The following LYST variants were observed in gnomAD, a reference collection of about 807,000 sequenced individuals.
LYST encodes the protein lysosomal-trafficking regulator.
LYST carries 192 observed loss-of-function variants against 413.6 expected under a neutral mutation model. The ratio of observed to expected loss-of-function variants is 0.46; its 90% CI spans 0.41 to 0.52. The LOEUF (loss-of-function observed/expected upper bound fraction) is 0.52. Among genes scored for constraint, LYST ranks in the 20% least tolerant of loss-of-function variants. LYST has a pLI of 0.00. For synonymous variants in LYST, 1,525 were observed against 1,567.3 expected, an observed-to-expected ratio of 0.97 and a Z score of 0.64; for missense variants, 3,815 against 4,499.9, an observed-to-expected ratio of 0.85 and a Z score of 4.35.
chr1:235,755,961 G>C (rs1358884768), intron 24 of LYST, among the ~76,000 whole-genome samples: 4 of 152,046 alleles, frequency 2.6e-5, no homozygotes, highest in African/African-American at 9.7e-5. Flanking sequence ...ACCTAATGCT[G>C]AGAGGGAAAA....
rs1199001213 is a variant in LYST, at chr1:235,700,565, A to AAG, written c.10374+2181_10374+2182insCT. ...TGGGTCATCCAGATGACCCCCTTATAAATGAGTACTGTTGCTTGGTTTCAA... is the reference window on the plus strand; with the variant it reads ...TGGGTCATCCAGATGACCCCCTTATAAGAATGAGTACTGTTGCTTGGTTTCAA... On this transcript the variant is annotated intron_variant, in intron 45 of 52. Coordinates refer to ENST00000389793, the MANE Select transcript of LYST (RefSeq NM_000081.4). 7.2e-5 allele frequency among the ~76,000 whole-genome samples: 11 copies of AAG among 152,314 alleles called. No homozygotes were observed. The South Asian group carries it at 1.5e-3, about 20-fold the overall frequency.
At chr1:235,742,466 A>T (rs1210250194) in intron 30 of LYST, among the ~76,000 whole-genome samples, 3 of 151,838 alleles carry the variant, frequency 2.0e-5, no homozygotes, top group African/African-American at 7.3e-5. Flanking sequence ...GAAAAAAAAA[A>T]AAAGTTCCTA....
At chr1:235,700,173 C>T (rs539267059) in intron 45 of LYST, among the ~76,000 whole-genome samples, 14 of 152,218 alleles carry the variant, frequency 9.2e-5, no homozygotes, top group East Asian at 3.9e-4. Context: ...GACATAGGCA[C>T]GGGCAAAGAT....
intron 7 of LYST, among the ~76,000 whole-genome samples, chr1:235,803,467 T>C (rs1036641735): frequency 1.3e-5 from 2 of 152,174 alleles, no homozygotes; most frequent in Non-Finnish European, 2.9e-5. Context: ...TTTTTATAAA[T>C]GCCTTATAAG....
At chr1:235,824,595 T>C (rs941876836) in intron 3 of LYST, among the ~76,000 whole-genome samples, 3 of 152,184 alleles carry the variant, frequency 2.0e-5, no homozygotes, top group Non-Finnish European at 4.4e-5. Flanking sequence ...ATATTCAACT[T>C]TGTCATCTTT....
At chr1:235,756,497 C>G (rs1667062856) in intron 24 of LYST, among the ~76,000 whole-genome samples, 1 of 152,010 alleles carries the variant, frequency 6.6e-6, no homozygotes, top group African/African-American at 2.4e-5. Flanking sequence ...GCAACTAGCT[C>G]AGGGACTTAC....
At chr1:235,781,840 G>GA (rs139179993) in intron 15 of LYST, 87 bp downstream of exon 15, 55 of 890,804 alleles carry the variant, frequency 6.2e-5, no homozygotes, top group Non-Finnish European at 8.2e-5. Flanking sequence ...TGTTAACTGA[G>GA]AAAAAAAACT....
At chr1:235,665,303 TGA>T (rs1025038868) in intron 50 of LYST, among the ~76,000 whole-genome samples, 7 of 152,094 alleles carry the variant, frequency 4.6e-5, no homozygotes, top group African/African-American at 1.7e-4. Flanking sequence ...AAATATTCTG[TGA>T]AACCATCTAT....
chr1:235,874,071 G>A (rs947574723), intron 1 of LYST, among the ~76,000 whole-genome samples: 1 of 152,180 alleles, frequency 6.6e-6, no homozygotes, highest in African/African-American at 2.4e-5. Flanking sequence ...GTCAAGGTAA[G>A]GAACAGGTAA....
intron 2 of LYST, among the ~76,000 whole-genome samples, chr1:235,831,498 CAGA>C (rs1675976332): frequency 6.6e-6 from 1 of 152,078 alleles, no homozygotes; most frequent in African/African-American, 2.4e-5. Context: ...AGCTGAGGGT[CAGA>C]AGAAGCCAAC....
intron 14 of LYST, among the ~76,000 whole-genome samples, chr1:235,784,171 T>C (rs984356625): frequency 6.6e-6 from 1 of 152,174 alleles, no homozygotes; most frequent in East Asian, 1.9e-4. Flanking sequence ...TGAAGCACCA[T>C]GCCTGGCCTA....
At chr1:235,881,174 G>T (rs1017141930) in intron 1 of LYST, among the ~76,000 whole-genome samples, 1 of 152,248 alleles carries the variant, frequency 6.6e-6, no homozygotes, top group South Asian at 2.1e-4. Flanking sequence ...TATCTTAAAA[G>T]AATTTTCTCC....
At chr1:235,734,695 A>G (rs779166920) in intron 31 of LYST, 36 bp from the exon 32 acceptor site, 1 of 1,410,440 alleles carries the variant, frequency 7.1e-7, no homozygotes, top group Admixed American at 1.7e-5. Context: ...GTCATTTAGA[A>G]TTTTAATTCT....
chr1:235,761,775 C>CAA (rs201502944), intron 22 of LYST, among the ~76,000 whole-genome samples: 175 of 145,470 alleles, frequency 1.2e-3, no homozygotes, highest in African/African-American at 4.4e-3. Flanking sequence ...AAAAAAAAAA[C>CAA]AAAAAAAAAC....
In LYST at chr1:235,729,538, T is replaced by C. The variant is rs77550273; in HGVS notation, c.9106+58A>G. On this transcript the variant is annotated intron_variant, in intron 37 of 52. Coordinates refer to ENST00000389793, the MANE Select transcript of LYST (RefSeq NM_000081.4). ...TGCTGTCAAAAAACACTTTAAATAA[T>C]CTAAGAATCAAATAAGGCAGGGTGA... 9,902 of 1,123,854 alleles carry C rather than the reference T, an allele frequency of 8.8e-3. 562 individuals are homozygous for C. In the African/African-American group the frequency reaches 0.13, roughly 15 times the overall value. 69.6% of individuals were successfully genotyped at this position (1,123,854 alleles called of 1,614,324 possible).
intron 1 of LYST, among the ~76,000 whole-genome samples, chr1:235,849,689 G>A (rs962392251): frequency 6.8e-6 from 1 of 147,578 alleles, no homozygotes; most frequent in African/African-American, 2.5e-5. Flanking sequence ...CAAGATTAAT[G>A]TACACGAATC....
chr1:235,665,231 C>T (rs1276555232), intron 50 of LYST, among the ~76,000 whole-genome samples: 1 of 152,058 alleles, frequency 6.6e-6, no homozygotes, highest in Non-Finnish European at 1.5e-5. Flanking sequence ...GCATATGAAC[C>T]ACCAAATATG....
At chr1:235,786,055 A>G (rs1039947205) in intron 14 of LYST, among the ~76,000 whole-genome samples, 6 of 152,214 alleles carry the variant, frequency 3.9e-5, no homozygotes, top group African/African-American at 1.4e-4. Flanking sequence ...TTTAGGTATT[A>G]GCCTTATTAG....
Position 235,810,219 on chromosome 1 carries a change from T to C in LYST, c.599A>G (p.His200Arg), listed in dbSNP as rs1257738445. Residue 200 changes from histidine (H) to arginine (R), a missense_variant, in exon 5 of 53, where the codon CAC becomes CGC. Coordinates refer to ENST00000389793, the MANE Select transcript of LYST (RefSeq NM_000081.4). The part of the protein sequence containing the change: ...HFLTSFPKQD[H>R]PKAKLDRLAT... ...TAAGCGGTCAAGTTTAGCTTTGGGG[T>C]GGTCTTGTTTAGGAAACGATGTTAA... The C allele has an allele frequency of 6.2e-7, 1 of 1,613,956 alleles. No individual in the cohort carries two copies. Among genetic ancestry groups the C allele is most frequent in the Non-Finnish European group, 8.5e-7 (1 of 1,179,950 alleles).
Sources: gnomAD v4.1 joint callset for allele counts (sites outside exome capture counted in the v4.1 genomes callset) on GRCh38, gnomAD v4.1.1 for gene constraint, MANE v1.5 for transcripts, NCBI Gene and HGNC (gene_info 2026-07-23, HGNC 2026-07-21) for gene names.